Variants in PRDM8 observed in about 807,000 individuals in gnomAD.
PRDM8 encodes the protein PR domain zinc finger protein 8.
In PRDM8, 13 loss-of-function variants were observed where a neutral mutation model predicts 46.5. That is an observed-to-expected ratio of 0.28 (90% CI 0.18 to 0.44). The LOEUF is 0.44. PRDM8 is among the 20% of genes least tolerant of loss of function. PRDM8 has a pLI of 1.00. For synonymous variants in PRDM8, 473 were observed against 438.4 expected, an observed-to-expected ratio of 1.08 and a Z score of -0.98; for missense variants, 998 against 955.0, an observed-to-expected ratio of 1.04 and a Z score of -0.59.
rs866977167 is a variant in PRDM8, at chr4:80,202,142, T to G, written c.680T>G (p.Phe227Cys). 6.2e-7 allele frequency: 1 copy of G among 1,601,698 alleles called. No homozygotes were observed. The highest frequency in any genetic ancestry group is 2.3e-5 in the East Asian group (1 of 44,252). Residue 227 changes from phenylalanine to cysteine, a missense_variant, in exon 4 of 4, where the codon TTT becomes TGT. By Grantham distance (205) the Phe-to-Cys change is radical (BLOSUM62 -2). Coordinates refer to ENST00000415738, the MANE Select transcript of PRDM8 (RefSeq NM_001099403.2). The stretch of plus-strand genomic sequence containing the variant: ...GCACCTTTAGGCCCGGGTCCCAAGT[T>G]TTGCAAAGCCGGCCCCCTCCACCAC... ...QEAPLGPGPK[F>C]CKAGPLHHYP...
chr4:80,196,841 T>C (rs1737999229), upstream of PRDM8: 12 of 922,660 alleles, frequency 1.3e-5, no homozygotes, highest in Non-Finnish European at 1.6e-5. Context: ...GTCCTGGGAC[T>C]AGGAGGTACC....
At chr4:80,194,101 CCT>C, upstream of PRDM8, 1 of 325,890 alleles carries the variant, frequency 3.1e-6, no homozygotes. Flanking sequence ...CTTTCTCCAC[CCT>C]CTCACTTAGG....
intron 1 of PRDM8, among the ~76,000 whole-genome samples, chr4:80,199,010 T>G (rs528236416): frequency 1.7e-3 from 213 of 128,650 alleles, no homozygotes; most frequent in Non-Finnish European, 3.0e-3. Flanking sequence ...TTTTTTTTTT[T>G]TTTTTTTTAG....
rs767040118 is a variant in PRDM8, at chr4:80,202,014, C to G, written c.552C>G (p.Ser184Arg). The G allele has an allele frequency of 6.2e-7, 1 of 1,614,122 alleles. No individual in the cohort carries two copies. The highest frequency in any genetic ancestry group is 8.5e-7 in the Non-Finnish European group (1 of 1,180,010). Reference protein sequence around the residue: ...LRFRCPKRLHSADISPQDEQG... With the variant: ...LRFRCPKRLHRADISPQDEQG... ...TCCGCTGCCCCAAGAGACTTCACAGCGCTGATATAAGTCCCCAAGACGAAC... is the reference window on the plus strand; with the variant it reads ...TCCGCTGCCCCAAGAGACTTCACAGGGCTGATATAAGTCCCCAAGACGAAC... The change falls in exon 4 of 4, where the codon AGC becomes AGG. Residue 184 changes from serine to arginine, a missense_variant. Physicochemically the swap from Ser to Arg is moderately radical, Grantham distance 110. Transcript: ENST00000415738.
rs1490752773 is a variant in PRDM8 at position 80,203,259 on chromosome 4, G to A, written c.1797G>A (p.Gly599=). ...AAAAAAAAAA[G]PLQLQLPSAL... is the part of the protein sequence containing the mutation. ...CCGCGGCTGCGGCGGCGGCCGCGGG[G>A]CCCTTGCAGCTGCAGCTGCCCTCGG... Residue 599 remains glycine (G), a synonymous_variant, in exon 4 of 4, where the codon GGG becomes GGA. Transcript: ENST00000415738. The A allele has an allele frequency of 8.9e-6, 14 of 1,575,230 alleles. No homozygotes were observed. Among genetic ancestry groups the A allele is most frequent in the Non-Finnish European group, 1.1e-5 (13 of 1,162,318 alleles).
chr4:80,196,833 C>T (rs954290871), upstream of PRDM8: 11 of 907,074 alleles, frequency 1.2e-5, no homozygotes, highest in Non-Finnish European at 1.3e-5. Context: ...GTACCCGTGT[C>T]CTGGGACTAG....
intron 1 of PRDM8, among the ~76,000 whole-genome samples, chr4:80,187,829 C>T (rs2109861853): frequency 6.6e-6 from 1 of 152,224 alleles, no homozygotes; most frequent in Non-Finnish European, 1.5e-5. Flanking sequence ...CCTATAGAGC[C>T]CCAAATGCCT....
At position 80,202,524 on chromosome 4, in the gene PRDM8, G is replaced by A. The variant is rs1398100573; in HGVS notation, c.1062G>A (p.Gln354=). The A allele has an allele frequency of 1.3e-6, 2 of 1,531,834 alleles. No homozygotes were observed. Among genetic ancestry groups the A allele is most frequent in the African/African-American group, 1.4e-5 (1 of 72,672 alleles). 94.9% of individuals were successfully genotyped at this position (1,531,834 alleles called of 1,614,324 possible). A position where few individuals can be genotyped will look rare whatever the true frequency, so the allele number is the denominator to read the frequency against. ...AGGATCTGGTGTGCACACCGCAGCA[G>A]TACCGAGCCTCGGGCAGCTACTTCG... is the stretch of plus-strand genomic sequence containing the variant. ...SKEDLVCTPQ[Q]YRASGSYFGL... is the part of the protein sequence containing the mutation. The change falls in exon 4 of 4, where the codon CAG becomes CAA. Residue 354 remains glutamine (Q), a synonymous_variant. Coordinates refer to ENST00000415738, the MANE Select transcript of PRDM8 (RefSeq NM_001099403.2).
Position 80,191,314 on chromosome 4 carries a change from CTCAACATCTAGG to C in PRDM8, c.-982-154_-982-143del, listed in dbSNP as rs199619443. On this transcript the variant is annotated intron_variant, in intron 1 of 9. Coordinates refer to the PRDM8 transcript ENST00000339711. ...AAGTTAAATTCTAGGCCTAGCAAAT[CTCAACATCTAGG>C]TCATTATATTCAACATGTTTATTCT... Among the ~76,000 whole-genome samples the C allele has an allele frequency of 4.8e-3, 734 of 152,310 alleles. 5 individuals carry two copies. The highest frequency in any genetic ancestry group is 0.017 in the African/African-American group (699 of 41,556).
At chr4:80,194,108 C>A, upstream of PRDM8, 1 of 439,224 alleles carries the variant, frequency 2.3e-6, no homozygotes, top group Non-Finnish European at 3.0e-6. Context: ...CACCCTCTCA[C>A]TTAGGTCATA....
At chr4:80,189,494 C>T (rs946416319) in intron 1 of PRDM8, among the ~76,000 whole-genome samples, 7 of 152,116 alleles carry the variant, frequency 4.6e-5, no homozygotes, top group African/African-American at 1.7e-4. Context: ...TCCATTTCTC[C>T]CTAGAAACTT....
intron 1 of PRDM8, among the ~76,000 whole-genome samples, chr4:80,198,355 G>T (rs977962708): frequency 2.2e-4 from 33 of 152,308 alleles, no homozygotes; most frequent in African/African-American, 7.7e-4. Context: ...GTGTGAAAGA[G>T]ATTTTTAAAA....
intron 1 of PRDM8, among the ~76,000 whole-genome samples, chr4:80,199,709 ATGTGTGTGTGTGTGTG>A (rs34334135): frequency 7.5e-6 from 1 of 132,976 alleles, no homozygotes; most frequent in East Asian, 2.2e-4. Context: ...ATATATATAT[ATGTGTGTGTGTGTGTG>A]TGTGTGTGTG....
intron 2 of PRDM8, 22 bp downstream of exon 2, chr4:80,200,321 G>T (rs1738343822): frequency 1.3e-6 from 2 of 1,572,822 alleles, no homozygotes; most frequent in South Asian, 2.2e-5. Context: ...CTGTAGCTGT[G>T]TAGGTGTATG....
At chr4:80,198,010 CG>C (rs901963173) in intron 1 of PRDM8, among the ~76,000 whole-genome samples, 2 of 152,322 alleles carry the variant, frequency 1.3e-5, no homozygotes, top group African/African-American at 4.8e-5. Context: ...GGGCCAGTGG[CG>C]GGCAGCAGCG....
upstream of PRDM8, chr4:80,197,261 TCCCAGAGGG>T: frequency 1.0e-6 from 1 of 983,286 alleles, no homozygotes; most frequent in Non-Finnish European, 1.2e-6. Flanking sequence ...CTCCTAGCAG[TCCCAGAGGG>T]CCCGAGCTTT....
upstream of PRDM8, chr4:80,196,626 C>T (rs1737980427): frequency 2.5e-5 from 25 of 984,716 alleles, no homozygotes; most frequent in Admixed American, 6.1e-5. Context: ...TTTTAATCAC[C>T]CTTGCCCCCC....
upstream of PRDM8, chr4:80,197,464 A>C (rs1738050025): frequency 1.0e-6 from 1 of 985,714 alleles, no homozygotes; most frequent in Admixed American, 6.2e-5. Flanking sequence ...TGGGCAGATT[A>C]TGTGCAGCAA....
upstream of PRDM8, chr4:80,196,928 T>C (rs936190880): frequency 1.0e-5 from 10 of 985,448 alleles, no homozygotes; most frequent in Non-Finnish European, 1.1e-5. Flanking sequence ...CTGAGCCAAG[T>C]TCTCACCAAA....
Sources: allele counts gnomAD v4.1 joint callset (sites outside exome capture counted in the v4.1 genomes callset), GRCh38; gene constraint gnomAD v4.1.1; transcripts MANE v1.5; gene names NCBI Gene and HGNC (gene_info 2026-07-23, HGNC 2026-07-21).